LIN9: variants seen among roughly 807,000 people sequenced by gnomAD.
The protein encoded by LIN9 is protein lin-9 homolog.
A neutral mutation model predicts 78.0 loss-of-function variants in LIN9; 18 were observed. The observed-to-expected ratio is 0.23, with a 90% CI of 0.16 to 0.34. LIN9 has a LOEUF of 0.34. Ranked by LOEUF, LIN9 falls within the 10% of genes least tolerant of loss-of-function variation. LIN9 has a pLI of 1.00. For synonymous variants in LIN9, 192 were observed against 215.2 expected (o/e 0.89, Z 0.94); for missense variants, 451 against 644.1 (o/e 0.70, Z 3.25).
Position 226,265,880 on chromosome 1 carries a change from T to C in LIN9, c.937-246A>G, listed in dbSNP as rs10799343. 0.65 allele frequency among the ~76,000 whole-genome samples: 97,933 copies of C among 151,496 alleles called. 32,037 individuals carry two copies. The highest frequency in any genetic ancestry group is 0.71 in the East Asian group (3,637 of 5,144). On this transcript the variant is annotated intron_variant, in intron 9 of 14. Coordinates refer to ENST00000681046, the MANE Select transcript of LIN9 (RefSeq NM_001366245.2). The surrounding 1 kb of genome is among the most constrained non-coding windows in gnomAD (Gnocchi z 4.1). ...TTTTAGCAGAGACGGCGTTTCACCA[T>C]GTTGATCAGGTTGGTCTCGAACTCC... is the stretch of plus-strand genomic sequence containing the variant.
intron 1 of LIN9, among the ~76,000 whole-genome samples, chr1:226,301,829 A>C (rs1662552868): frequency 6.6e-6 from 1 of 152,178 alleles, no homozygotes; most frequent in South Asian, 2.1e-4. Context: ...GTGCTTTGGA[A>C]GGCCAAGGTG....
intron 8 of LIN9, 134 bp from the exon 9 acceptor site, chr1:226,266,466 T>G: frequency 1.8e-6 from 1 of 563,372 alleles, no homozygotes; most frequent in Non-Finnish European, 2.7e-6. Flanking sequence ...ACTTATATAT[T>G]TAATTATTTA....
intron 12 of LIN9, among the ~76,000 whole-genome samples, chr1:226,236,679 G>C (rs911499634): frequency 6.6e-6 from 1 of 152,060 alleles, no homozygotes. Context: ...GGATGGTCTC[G>C]ATCTCCTGAC....
chr1:226,245,056 T>C (rs1658380776), intron 11 of LIN9, among the ~76,000 whole-genome samples: 1 of 152,176 alleles, frequency 6.6e-6, no homozygotes, highest in Non-Finnish European at 1.5e-5. Context: ...TGATAGATAT[T>C]GCCAAAGCAC....
Position 226,265,566 on chromosome 1 carries a change from T to A in LIN9, c.1005A>T (p.Leu335Phe). The change falls in exon 10 of 15, where the codon TTA (leucine) becomes TTT (phenylalanine). Residue 335 changes from leucine to phenylalanine, a missense_variant. By Grantham distance (22) the Leu-to-Phe change is conservative. Coordinates refer to ENST00000681046, the MANE Select transcript of LIN9 (RefSeq NM_001366245.2). The surrounding 1 kb of genome is among the most constrained non-coding windows in gnomAD (Gnocchi z 4.1). The part of the protein sequence containing the change: ...SKISGSDTET[L>F]GGFPVEFLIQ... ...TAAGAAATTCTACTGGAAAACCACC[T>A]AATGTTTCAGTGTCAGAGCCAGAAA... 6.2e-7 allele frequency: 1 copy of A among 1,611,330 alleles called. No homozygotes were observed. Among genetic ancestry groups the A allele is most frequent in the East Asian group, 2.2e-5 (1 of 44,822 alleles).
At chr1:226,234,798 CT>C (rs1558150142) in intron 12 of LIN9, among the ~76,000 whole-genome samples, 3 of 152,062 alleles carry the variant, frequency 2.0e-5, no homozygotes, top group Non-Finnish European at 2.9e-5. Flanking sequence ...CTGATTCCCC[CT>C]ATTCCCATCT....
chr1:226,285,679 A>G (rs1045039594), intron 6 of LIN9, among the ~76,000 whole-genome samples: 1 of 152,212 alleles, frequency 6.6e-6, no homozygotes, highest in African/African-American at 2.4e-5. Context: ...ATCATTTCAC[A>G]TGAAGAGCAA....
At chr1:226,309,225 T>TGCGGAGCTCGCTGCCC (rs1663131884), upstream of LIN9, 23 of 1,427,166 alleles carry the variant, frequency 1.6e-5, no homozygotes, top group Non-Finnish European at 2.1e-5. Context: ...GAGGTTCGAA[T>TGCGGAGCTCGCTGCCC]GCGGAGCTCG....
intron 10 of LIN9, among the ~76,000 whole-genome samples, chr1:226,253,628 A>G (rs1481537829): frequency 1.3e-5 from 2 of 151,974 alleles, no homozygotes; most frequent in East Asian, 4.0e-4. Context: ...AGAAATAAAT[A>G]AAAAGGGCCG....
At chr1:226,287,237 C>T (rs142228450) in intron 5 of LIN9, among the ~76,000 whole-genome samples, 4 of 152,284 alleles carry the variant, frequency 2.6e-5, no homozygotes, top group African/African-American at 4.8e-5. Context: ...GTATACCTAG[C>T]GTGCTTAAGT....
intron 7 of LIN9, among the ~76,000 whole-genome samples, chr1:226,276,494 T>C (rs144050268): frequency 4.3e-4 from 65 of 152,314 alleles, no homozygotes; most frequent in African/African-American, 1.4e-3. Context: ...ATCTAGTCTC[T>C]CCTAGATAAA....
intron 7 of LIN9, among the ~76,000 whole-genome samples, chr1:226,273,798 A>G (rs79007799): frequency 0.032 from 4,875 of 150,368 alleles, 111 homozygotes; most frequent in Middle Eastern, 0.055. Context: ...TTGAGCCACA[A>G]TGGGCTAGGA....
At chr1:226,260,775 A>AT (rs1659529542) in intron 10 of LIN9, among the ~76,000 whole-genome samples, 1 of 151,278 alleles carries the variant, frequency 6.6e-6, no homozygotes, top group South Asian at 2.1e-4. Context: ...CTCCCGAGTA[A>AT]CTGGGACTAC....
chr1:226,245,764 A>G (rs941723185), intron 11 of LIN9, among the ~76,000 whole-genome samples: 2 of 151,852 alleles, frequency 1.3e-5, no homozygotes, highest in Non-Finnish European at 2.9e-5. Flanking sequence ...CGCCTGGCTA[A>G]TTTTTGTATT....
chr1:226,279,167 A>G (rs1037939104), intron 6 of LIN9, among the ~76,000 whole-genome samples: 1 of 151,412 alleles, frequency 6.6e-6, no homozygotes, highest in Non-Finnish European at 1.5e-5. Context: ...TCTTGGGGGA[A>G]AAAAAAATTG....
rs148456327 is a variant in LIN9, at chr1:226,295,689, A to T, written c.264+153T>A. Among the ~76,000 whole-genome samples the T allele has an allele frequency of 7.9e-4, 121 of 152,316 alleles. 3 individuals are homozygous for T. In the East Asian group the frequency reaches 0.02, roughly 25 times the overall value. On this transcript the variant is annotated intron_variant, in intron 4 of 14. Transcript: ENST00000681046. ...TGTTTTAAAGTTGATCAAAAAAATA[A>T]CATTTTCTAGGTAACTAAAACAGGA... is the stretch of plus-strand genomic sequence containing the variant.
rs540339538 is a variant in LIN9, at chr1:226,307,648, A to AAATC, written c.31+1460_31+1461insGATT. ...AAACTCCATCTCAAAATAAATAAAT[A>AAATC]AATAAAATAAATCACAATCAATTGT... On this transcript the variant is annotated intron_variant, in intron 1 of 14. Coordinates refer to ENST00000681046, the MANE Select transcript of LIN9 (RefSeq NM_001366245.2). Among the ~76,000 whole-genome samples the AAATC allele has an allele frequency of 8.5e-5, 13 of 152,352 alleles. No homozygotes were observed. The East Asian group carries it at 2.5e-3, about 29-fold the overall frequency.
At chr1:226,246,400 GT>G (rs1329905645) in intron 11 of LIN9, among the ~76,000 whole-genome samples, 1 of 152,016 alleles carries the variant, frequency 6.6e-6, no homozygotes, top group Non-Finnish European at 1.5e-5. Flanking sequence ...CAAATTGTTG[GT>G]TGCTCGTTTG....
chr1:226,256,333 G>A (rs1033447372), intron 10 of LIN9, among the ~76,000 whole-genome samples: 1 of 152,038 alleles, frequency 6.6e-6, no homozygotes, highest in African/African-American at 2.4e-5. Flanking sequence ...AGAGGAGACT[G>A]GAGTGAAATA....
Sources: allele counts gnomAD v4.1 joint callset (sites outside exome capture counted in the v4.1 genomes callset), GRCh38; gene constraint gnomAD v4.1.1; non-coding constraint Gnocchi (gnomAD v3.1); transcripts MANE v1.5; gene names NCBI Gene and HGNC (gene_info 2026-07-23, HGNC 2026-07-21).